Variants in ARHGAP21 observed in about 807,000 individuals in gnomAD.
The protein encoded by ARHGAP21 is rho GTPase-activating protein 21.
ARHGAP21 carries 38 observed loss-of-function variants against 164.6 expected under a neutral mutation model. That is an observed-to-expected ratio of 0.23 (90% CI 0.18 to 0.30). The LOEUF (loss-of-function observed/expected upper bound fraction) is 0.30, where lower values mean the gene tolerates loss of function less well. Ranked by LOEUF, ARHGAP21 falls within the 10% of genes least tolerant of loss-of-function variation. The pLI is 1.00. For synonymous variants in ARHGAP21, 766 were observed against 857.9 expected (o/e 0.89, Z 1.87); for missense variants, 1,822 against 2,370.7 (o/e 0.77, Z 4.81).
chr10:24,676,548 G>A (rs559583688), intron 2 of ARHGAP21, among the ~76,000 whole-genome samples: 2 of 152,288 alleles, frequency 1.3e-5, no homozygotes, highest in South Asian at 2.1e-4. Context: ...GGGGAGGGTG[G>A]AAAGGGATGA....
rs745356491 is a variant in ARHGAP21, at chr10:24,585,458, C to T, written c.4831G>A (p.Val1611Met). 8.7e-6 allele frequency: 14 copies of T among 1,613,986 alleles called. No individual in the cohort carries two copies. Among genetic ancestry groups the T allele is most frequent in the African/African-American group, 5.3e-5 (4 of 74,908 alleles). ...GCCTCGTCCCCCTTGCTCTCTGCCA[C>T]GGATTGCACCTCAGGGCTCAGTCGA... ...SSRLSPEVQS[V>M]AESKGDEADD... The change falls in exon 26 of 26, where the codon GTG becomes ATG. Residue 1611 changes from valine (V) to methionine (M), a missense_variant. Val to Met is a conservative substitution (Grantham distance 21). Transcript: ENST00000396432.
Position 24,600,858 on chromosome 10 carries a change from T to C in ARHGAP21, c.2920A>G (p.Lys974Glu). 1 of 1,614,226 alleles carries C rather than the reference T, an allele frequency of 6.2e-7. No homozygotes were observed. Among genetic ancestry groups the C allele is most frequent in the South Asian group, 1.1e-5 (1 of 91,088 alleles). Reference sequence around the variant, plus strand: ...GGAGTCGTCTGCTCTCTTTTATCTTTGTACAGGTAAAGTGAATGACCCCGA... The same window carrying C: ...GGAGTCGTCTGCTCTCTTTTATCTTCGTACAGGTAAAGTGAATGACCCCGA... ...VLRGHSLYLY[K>E]DKREQTTPSE... The change falls in exon 14 of 26, where the codon AAA becomes GAA. Residue 974 changes from lysine to glutamate, a missense_variant. Lys to Glu is a moderately conservative substitution (Grantham distance 56, BLOSUM62 1). Transcript: ENST00000396432.
intron 7 of ARHGAP21, among the ~76,000 whole-genome samples, chr10:24,623,742 C>G (rs1284492020): frequency 6.6e-6 from 1 of 152,200 alleles, no homozygotes; most frequent in African/African-American, 2.4e-5. Context: ...TGTAGGGCCA[C>G]TTGGCAAGCT....
intron 21 of ARHGAP21, among the ~76,000 whole-genome samples, chr10:24,594,645 A>G (rs1370562820): frequency 6.6e-6 from 1 of 152,134 alleles, no homozygotes; most frequent in Non-Finnish European, 1.5e-5. Context: ...TGACTGTTGT[A>G]GCGTATGCAT....
intron 7 of ARHGAP21, chr10:24,628,950 C>CTATATATATATAT (rs1565054194): frequency 7.5e-5 from 4 of 53,550 alleles, no homozygotes; most frequent in African/African-American, 3.4e-4. Context: ...TACACACACA[C>CTATATATATATAT]ACTATATATA....
At chr10:24,692,053 C>T (rs1451083677) in intron 2 of ARHGAP21, among the ~76,000 whole-genome samples, 1 of 152,152 alleles carries the variant, frequency 6.6e-6, no homozygotes, top group Non-Finnish European at 1.5e-5. Flanking sequence ...TTCTCTGTTA[C>T]AAGAAGGGCA....
chr10:24,642,960 G>T (rs899069583), intron 4 of ARHGAP21, among the ~76,000 whole-genome samples: 1 of 152,278 alleles, frequency 6.6e-6, no homozygotes, highest in African/African-American at 2.4e-5. Flanking sequence ...CCCAAAACCA[G>T]CTTGGAGAGT....
At chr10:24,651,774 G>C (rs185854550) in intron 4 of ARHGAP21, among the ~76,000 whole-genome samples, 1 of 152,148 alleles carries the variant, frequency 6.6e-6, no homozygotes, top group African/African-American at 2.4e-5. Context: ...TCATTCATGA[G>C]AGAGATACAC....
chr10:24,599,113 T>C (rs2367064), intron 14 of ARHGAP21, among the ~76,000 whole-genome samples: 29,275 of 152,254 alleles, frequency 0.19, 3,128 homozygotes, highest in Middle Eastern at 0.37. Context: ...ATAGCTCACA[T>C]TAAGTAAATG....
At chr10:24,656,218 G>T (rs1224320952) in intron 4 of ARHGAP21, among the ~76,000 whole-genome samples, 2 of 138,254 alleles carry the variant, frequency 1.4e-5, no homozygotes, top group African/African-American at 2.9e-5. Flanking sequence ...GAGGTGGGGG[G>T]GTCATCCCCC....
At chr10:24,604,866 C>T (rs572170860) in intron 11 of ARHGAP21, among the ~76,000 whole-genome samples, 3 of 152,226 alleles carry the variant, frequency 2.0e-5, no homozygotes, top group East Asian at 1.9e-4. Flanking sequence ...ATTATGACTG[C>T]TTTCAAAAAG....
intron 2 of ARHGAP21, among the ~76,000 whole-genome samples, chr10:24,697,273 G>A (rs924451212): frequency 1.3e-5 from 2 of 152,108 alleles, no homozygotes; most frequent in Non-Finnish European, 2.9e-5. Flanking sequence ...CCTTATAAAG[G>A]GGTCTGGGTG....
chr10:24,656,357 C>T (rs1212121303), intron 4 of ARHGAP21, among the ~76,000 whole-genome samples: 1 of 91,894 alleles, frequency 1.1e-5, no homozygotes, highest in African/African-American at 4.7e-5. Context: ...TCAGCCCCCC[C>T]ACCCGGCCAG....
intron 4 of ARHGAP21, among the ~76,000 whole-genome samples, chr10:24,646,535 G>C (rs1209565671): frequency 6.6e-6 from 1 of 152,132 alleles, no homozygotes; most frequent in Non-Finnish European, 1.5e-5. Flanking sequence ...CTATTCCAGA[G>C]GCTGAGGTGG....
chr10:24,614,334 G>A (rs2131087078), intron 9 of ARHGAP21, among the ~76,000 whole-genome samples: 1 of 152,230 alleles, frequency 6.6e-6, no homozygotes, highest in South Asian at 2.1e-4. Context: ...CTAAAGGGGT[G>A]GAATTATCTA....
chr10:24,606,550 T>C (rs1040970898), intron 11 of ARHGAP21, among the ~76,000 whole-genome samples: 2 of 152,188 alleles, frequency 1.3e-5, no homozygotes, highest in Non-Finnish European at 2.9e-5. Flanking sequence ...TTGGTGGGAA[T>C]GTGGTTTGGT....
intron 9 of ARHGAP21, among the ~76,000 whole-genome samples, chr10:24,618,851 A>T (rs1031404628): frequency 3.3e-5 from 5 of 152,144 alleles, no homozygotes; most frequent in African/African-American, 1.2e-4. Context: ...GGTGTGATCT[A>T]ATTGACATTT....
chr10:24,663,076 A>T (rs1270739973), intron 4 of ARHGAP21, among the ~76,000 whole-genome samples: 1 of 152,056 alleles, frequency 6.6e-6, no homozygotes, highest in East Asian at 1.9e-4. Flanking sequence ...GAATGTGTGC[A>T]GATTAGCATA....
At chr10:24,602,571 C>G (rs2076858164) in intron 12 of ARHGAP21, among the ~76,000 whole-genome samples, 1 of 152,286 alleles carries the variant, frequency 6.6e-6, no homozygotes, top group South Asian at 2.1e-4. Context: ...GACTGTATAT[C>G]ATCATTATCA....
Sources: allele counts gnomAD v4.1 joint callset (sites outside exome capture counted in the v4.1 genomes callset), GRCh38; gene constraint gnomAD v4.1.1; transcripts MANE v1.5; gene names NCBI Gene and HGNC (gene_info 2026-07-23, HGNC 2026-07-21).